The following TIMM17A variants were observed in gnomAD, a reference collection of about 807,000 sequenced individuals.
TIMM17A encodes mitochondrial import inner membrane translocase subunit Tim17-A.
A neutral mutation model predicts 26.5 loss-of-function variants in TIMM17A; 15 were observed. That is an observed-to-expected ratio of 0.57 (90% CI 0.38 to 0.87). TIMM17A has a LOEUF of 0.87. Ranked by LOEUF, TIMM17A falls within the 40% of genes least tolerant of loss-of-function variation. The pLI, the probability that TIMM17A is intolerant of heterozygous loss-of-function variation, is 0.00. For missense variants in TIMM17A, 201 were observed against 210.0 expected (o/e 0.96, Z 0.27); for synonymous variants, 80 against 70.8 (o/e 1.13, Z -0.66).
At chr1:201,955,653 G>T in intron 1 of TIMM17A, 101 bp downstream of exon 1, 1 of 1,538,042 alleles carries the variant, frequency 6.5e-7, no homozygotes, top group East Asian at 2.3e-5. Flanking sequence ...CTCAACCGCA[G>T]CCTCGTCGAC....
chr1:201,964,045 C>T (rs1048325961), intron 4 of TIMM17A, among the ~76,000 whole-genome samples: 3 of 151,930 alleles, frequency 2.0e-5, no homozygotes, highest in South Asian at 2.1e-4. Flanking sequence ...CTTGAGCCAC[C>T]GCACTCTCAC....
chr1:201,967,990 A>G (rs1682666070), intron 5 of TIMM17A, among the ~76,000 whole-genome samples: 1 of 151,690 alleles, frequency 6.6e-6, no homozygotes, highest in Non-Finnish European at 1.5e-5. Context: ...AACTTACATG[A>G]AAAAGTTTGT....
chr1:201,964,713 A>G (rs1020070169), intron 4 of TIMM17A, among the ~76,000 whole-genome samples: 7 of 130,696 alleles, frequency 5.4e-5, no homozygotes, highest in South Asian at 4.6e-4. Flanking sequence ...CAGTGGCGCA[A>G]TCTCGGCTCA....
At chr1:201,957,617 C>T in intron 3 of TIMM17A, 43 bp downstream of exon 3, 1 of 1,494,672 alleles carries the variant, frequency 6.7e-7, no homozygotes, top group African/African-American at 1.4e-5. Flanking sequence ...TTTTTCTGTT[C>T]CTTTGAAGAT....
At chr1:201,968,226 CT>C (rs1172509452) in intron 5 of TIMM17A, among the ~76,000 whole-genome samples, 1 of 151,784 alleles carries the variant, frequency 6.6e-6, no homozygotes, top group East Asian at 1.9e-4. Flanking sequence ...TGGTCTCGAA[CT>C]CCTGACCTCG....
intron 1 of TIMM17A, among the ~76,000 whole-genome samples, chr1:201,956,815 G>A (rs995904581): frequency 6.6e-6 from 1 of 152,030 alleles, no homozygotes; most frequent in East Asian, 1.9e-4. Flanking sequence ...TATTAGCCGG[G>A]CGTGGTGGCA....
intron 1 of TIMM17A, 88 bp from the exon 2 acceptor site, chr1:201,957,193 G>A: frequency 1.2e-6 from 1 of 843,592 alleles, no homozygotes; most frequent in Non-Finnish European, 2.0e-6. Flanking sequence ...AGTATAATCT[G>A]TTCCATTATA....
chr1:201,965,949 G>A (rs1378449511), intron 5 of TIMM17A, among the ~76,000 whole-genome samples: 1 of 152,198 alleles, frequency 6.6e-6, no homozygotes, highest in Non-Finnish European at 1.5e-5. Context: ...CATTCTGGTA[G>A]GGGGAGACAG....
intron 5 of TIMM17A, among the ~76,000 whole-genome samples, chr1:201,969,162 C>T (rs1256682404): frequency 1.3e-5 from 2 of 152,196 alleles, no homozygotes; most frequent in Non-Finnish European, 2.9e-5. Flanking sequence ...CAGCTTGTTA[C>T]AGCAATTGCT....
In TIMM17A at chr1:201,969,539, T is replaced by C. The variant is rs1417172905; in HGVS notation, c.501T>C (p.Tyr167=). The C allele has an allele frequency of 1.2e-6, 2 of 1,613,638 alleles. No homozygotes were observed. The highest frequency in any genetic ancestry group is 3.3e-5 in the Admixed American group (2 of 59,962). The change falls in exon 6 of 6, where the codon TAT becomes TAC. Residue 167 remains tyrosine, a synonymous_variant. Coordinates refer to ENST00000367287, the MANE Select transcript of TIMM17A (RefSeq NM_006335.3). The stretch of plus-strand genomic sequence containing the variant: ...TACCTTCCTCACCTTTTGGAGACTA[T>C]CGACAATATCAGTAGGACTTCTTTC... ...TQLPSSPFGD[Y]RQYQ
intron 3 of TIMM17A, among the ~76,000 whole-genome samples, chr1:201,961,826 C>A (rs1439971301): frequency 6.6e-6 from 1 of 152,054 alleles, no homozygotes; most frequent in Admixed American, 6.6e-5. Context: ...TCTTCCTTTT[C>A]ATATGTATAC....
intron 5 of TIMM17A, among the ~76,000 whole-genome samples, chr1:201,966,791 G>T (rs2102945863): frequency 6.7e-6 from 1 of 148,288 alleles, no homozygotes; most frequent in South Asian, 2.1e-4. Context: ...GCAGTGAGCT[G>T]AGATCACACC....
intron 4 of TIMM17A, among the ~76,000 whole-genome samples, 174 bp from the exon 5 acceptor site, chr1:201,965,259 G>T (rs1490074875): frequency 6.6e-6 from 1 of 152,164 alleles, no homozygotes; most frequent in East Asian, 1.9e-4. Flanking sequence ...TACAAAAATA[G>T]GCAGTGGGTG....
At chr1:201,961,767 T>C (rs1682537147) in intron 3 of TIMM17A, among the ~76,000 whole-genome samples, 1 of 152,090 alleles carries the variant, frequency 6.6e-6, no homozygotes, top group South Asian at 2.1e-4. Flanking sequence ...AATCACAAGT[T>C]TATATTGATA....
Position 201,969,567 on chromosome 1 carries a change from A to G in TIMM17A, c.*13A>G. The G allele has an allele frequency of 1.2e-6, 2 of 1,602,894 alleles. No homozygotes were observed. The highest frequency in any genetic ancestry group is 1.7e-6 in the Non-Finnish European group (2 of 1,170,890). Reference sequence around the variant, plus strand: ...ACAATATCAGTAGGACTTCTTTCCTAGGATTTCTTTAACAGAACGAGTTGT... The same window carrying G: ...ACAATATCAGTAGGACTTCTTTCCTGGGATTTCTTTAACAGAACGAGTTGT... On this transcript the variant is annotated 3_prime_UTR_variant, in exon 6 of 6. Transcript: ENST00000367287.
At position 201,968,706 on chromosome 1, in the gene TIMM17A, A is replaced by C. The variant is rs150284991; in HGVS notation, c.431-763A>C. Among the ~76,000 whole-genome samples the C allele has an allele frequency of 7.7e-3, 1,167 of 152,148 alleles. 18 individuals carry two copies. The highest frequency in any genetic ancestry group is 0.027 in the African/African-American group (1,108 of 41,526). On this transcript the variant is annotated intron_variant, in intron 5 of 5. Transcript: ENST00000367287. ...ATCTTTTTTACCCAGTATCTTCTCAAGTTTTCTGTAATTAACAGATAGTTG... is the reference window on the plus strand; with the variant it reads ...ATCTTTTTTACCCAGTATCTTCTCACGTTTTCTGTAATTAACAGATAGTTG...
chr1:201,961,584 G>A (rs895323792), intron 3 of TIMM17A, among the ~76,000 whole-genome samples: 1 of 152,082 alleles, frequency 6.6e-6, no homozygotes, highest in African/African-American at 2.4e-5. Context: ...AGAAGTGGTA[G>A]CTCACACCTG....
At chr1:201,955,585 G>GC (rs748095874) in intron 1 of TIMM17A, 33 bp downstream of exon 1, 9 of 1,613,892 alleles carry the variant, frequency 5.6e-6, no homozygotes, top group Non-Finnish European at 5.9e-6. Context: ...CATTTCTCTT[G>GC]CCCCCCTGCC....
At position 201,957,508 on chromosome 1, in the gene TIMM17A, T is replaced by C. The variant is rs543853434; in HGVS notation, c.127-3T>C. The stretch of plus-strand genomic sequence containing the variant: ...TTTTGTTGCTTCCTTTTTTTTGTTA[T>C]AGGGAGTAAACCACAGACTACGAGG... On this transcript the variant is annotated splice_region_variant and splice_polypyrimidine_tract_variant and intron_variant, in intron 2 of 5. Coordinates refer to ENST00000367287, the MANE Select transcript of TIMM17A (RefSeq NM_006335.3). 3.7e-6 allele frequency: 6 copies of C among 1,613,390 alleles called. No individual in the cohort carries two copies. The highest frequency in any genetic ancestry group is 3.3e-5 in the Admixed American group (2 of 59,880).
Sources: allele counts gnomAD v4.1 joint callset (sites outside exome capture counted in the v4.1 genomes callset), GRCh38; gene constraint gnomAD v4.1.1; transcripts MANE v1.5; gene names NCBI Gene and HGNC (gene_info 2026-07-23, HGNC 2026-07-21).